G2E3: variants seen among roughly 807,000 people sequenced by gnomAD.
The protein encoded by G2E3 is G2/M phase-specific E3 ubiquitin-protein ligase.
A neutral mutation model predicts 92.8 loss-of-function variants in G2E3; 35 were observed. The observed-to-expected ratio is 0.38, with a 90% CI of 0.29 to 0.50. The LOEUF (loss-of-function observed/expected upper bound fraction) is 0.50, where lower values mean the gene tolerates loss of function less well. Among genes scored for constraint, G2E3 ranks in the 20% least tolerant of loss-of-function variants. G2E3 has a pLI of 0.94. For missense variants in G2E3, 554 were observed against 823.8 expected, an observed-to-expected ratio of 0.67 and a Z score of 4.01; for synonymous variants, 242 against 272.4, an observed-to-expected ratio of 0.89 and a Z score of 1.10.
intron 1 of G2E3, chr14:30,560,016 C>T (rs1265904216): frequency 6.6e-6 from 1 of 152,104 alleles, no homozygotes; most frequent in African/African-American, 2.4e-5. Context: ...TTTCGCCTCC[C>T]TCATTCATTG....
At chr14:30,571,132 T>G (rs1848120949) in intron 1 of G2E3, among the ~76,000 whole-genome samples, 1 of 152,034 alleles carries the variant, frequency 6.6e-6, no homozygotes, top group South Asian at 2.1e-4. Context: ...TTTGAGTTCA[T>G]TTTTTGTGAG....
Position 30,560,668 on chromosome 14 carries a change from A to G in G2E3, c.-5+1396A>G, listed in dbSNP as rs1045221061. 615 of 619,794 alleles carry G rather than the reference A, an allele frequency of 9.9e-4. 4 individuals are homozygous for G. The highest frequency in any genetic ancestry group is 1.5e-3 in the Non-Finnish European group (526 of 349,924). 38.4% of individuals were successfully genotyped at this position (619,794 alleles called of 1,614,324 possible). ...TAATCTCTTTATTTTTTTCTACCTG[A>G]ATTATTTTCATTGGATTTTTGCTCT... On this transcript the variant is annotated intron_variant, in intron 1 of 14. Coordinates refer to ENST00000206595, the MANE Select transcript of G2E3 (RefSeq NM_017769.5).
intron 12 of G2E3, among the ~76,000 whole-genome samples, chr14:30,608,724 CA>C (rs1881947414): frequency 6.6e-6 from 1 of 152,234 alleles, no homozygotes; most frequent in African/African-American, 2.4e-5. Context: ...AAAACTGAGA[CA>C]ATGCAAGCCA....
rs1425393113 is a variant in G2E3 at position 30,618,895 on chromosome 14, T to A, written c.*2361T>A. The A allele has an allele frequency of 6.6e-6, 1 of 152,082 alleles. No individual in the cohort carries two copies. The highest frequency in any genetic ancestry group is 1.5e-5 in the Non-Finnish European group (1 of 67,930). 9.4% of individuals were successfully genotyped at this position (152,082 alleles called of 1,614,324 possible). A position where few individuals can be genotyped will look rare whatever the true frequency, so the allele number is the denominator to read the frequency against. ...TAAAAAAGAATTATGCTATAAATCT[T>A]TATAAATGTGTACATATATTTCTTA... On this transcript the variant is annotated 3_prime_UTR_variant, in exon 15 of 15. Coordinates refer to ENST00000206595, the MANE Select transcript of G2E3 (RefSeq NM_017769.5).
chr14:30,566,145 A>G (rs560101516), intron 1 of G2E3, among the ~76,000 whole-genome samples: 2 of 152,138 alleles, frequency 1.3e-5, no homozygotes, highest in African/African-American at 2.4e-5. Flanking sequence ...CCAGTACCAC[A>G]TTGTCTTGAT....
chr14:30,618,765 G>A lies in G2E3; in HGVS notation c.*2231G>A, dbSNP rs1882432272. The A allele has an allele frequency of 6.6e-6, 1 of 152,070 alleles. No individual in the cohort carries two copies. Among genetic ancestry groups the A allele is most frequent in the African/African-American group, 2.4e-5 (1 of 41,448 alleles). 9.4% of individuals were successfully genotyped at this position (152,070 alleles called of 1,614,324 possible). On this transcript the variant is annotated 3_prime_UTR_variant, in exon 15 of 15. Transcript: ENST00000206595. ...TGGTCAAGGAATATCAGAGAAACCT[G>A]TAGGTTATTTATTTTCTGCAGTGTC...
chr14:30,580,311 A>G (rs567190276), intron 1 of G2E3, among the ~76,000 whole-genome samples: 41 of 152,268 alleles, frequency 2.7e-4, no homozygotes, highest in African/African-American at 7.9e-4. Context: ...AGTTCAAGCA[A>G]TTCTCTTGCC....
chr14:30,604,327 A>G (rs1448533756), intron 10 of G2E3, among the ~76,000 whole-genome samples: 1 of 152,262 alleles, frequency 6.6e-6, no homozygotes, highest in Non-Finnish European at 1.5e-5. Context: ...ACACTAGGGC[A>G]CTGTAACGTC....
At chr14:30,608,278 T>A (rs1157556623) in intron 12 of G2E3, among the ~76,000 whole-genome samples, 1 of 152,224 alleles carries the variant, frequency 6.6e-6, no homozygotes, top group African/African-American at 2.4e-5. Flanking sequence ...CGTTTAATGT[T>A]GGTAAAACCA....
chr14:30,610,063 C>T (rs909649991), intron 12 of G2E3, among the ~76,000 whole-genome samples: 2 of 152,132 alleles, frequency 1.3e-5, no homozygotes, highest in African/African-American at 4.8e-5. Flanking sequence ...GCCTGTTGAA[C>T]GAAGTTGAAG....
Position 30,612,291 on chromosome 14 carries a change from C to T in G2E3, c.1585C>T (p.Leu529Phe), listed in dbSNP as rs1256934454. The T allele has an allele frequency of 6.2e-7, 1 of 1,603,326 alleles. No homozygotes were observed. Among genetic ancestry groups the T allele is most frequent in the African/African-American group, 1.3e-5 (1 of 74,642 alleles). Residue 529 changes from leucine to phenylalanine, a missense_variant, in exon 13 of 15, where the codon CTT becomes TTT. By Grantham distance (22) the Leu-to-Phe change is conservative (BLOSUM62 0). Transcript: ENST00000206595. ...CCTTGAGTTAATTGGATGTCTCAGA[C>T]TTATAACGACATTAAGTGATAAATA... ...NYLELIGCLRLITTLSDKYML... is the reference protein window; with the variant it reads ...NYLELIGCLRFITTLSDKYML...
chr14:30,560,521 A>T (rs753679051), intron 1 of G2E3: 1 of 429,624 alleles, frequency 2.3e-6, no homozygotes, highest in African/African-American at 2.0e-5. Flanking sequence ...TAGTTAAAAT[A>T]TGAGCATTTT....
At chr14:30,608,981 CA>C (rs199858242) in intron 12 of G2E3, among the ~76,000 whole-genome samples, 2 of 150,454 alleles carry the variant, frequency 1.3e-5, no homozygotes, top group Non-Finnish European at 3.0e-5. Flanking sequence ...GACACTGTCT[CA>C]AAAAAAAAGC....
intron 8 of G2E3, among the ~76,000 whole-genome samples, chr14:30,600,382 G>A (rs982820405): frequency 1.3e-5 from 2 of 152,110 alleles, no homozygotes; most frequent in African/African-American, 2.4e-5. Context: ...ATTCTTAGAA[G>A]GCAGAGATCT....
intron 1 of G2E3, among the ~76,000 whole-genome samples, chr14:30,563,319 A>G: frequency 6.6e-6 from 1 of 152,158 alleles, no homozygotes; most frequent in Non-Finnish European, 1.5e-5. Context: ...AACCTGCCCA[A>G]CAATGTAGGG....
At position 30,589,494 on chromosome 14, in the gene G2E3, T is replaced by A; in HGVS notation, c.237+10T>A. On this transcript the variant is annotated intron_variant, in intron 4 of 14. Transcript: ENST00000206595. Reference sequence around the variant, plus strand: ...TAGAGCTTCTAAACTGGTAAGTAAATTATTTTACTATTAAGTAATGTCATA... The same window carrying A: ...TAGAGCTTCTAAACTGGTAAGTAAAATATTTTACTATTAAGTAATGTCATA... 6 of 1,243,850 alleles carry A rather than the reference T, an allele frequency of 4.8e-6. No individual in the cohort carries two copies. Among genetic ancestry groups the A allele is most frequent in the Non-Finnish European group, 7.1e-6 (6 of 849,894 alleles). 77.1% of individuals were successfully genotyped at this position (1,243,850 alleles called of 1,614,324 possible).
intron 1 of G2E3, among the ~76,000 whole-genome samples, chr14:30,575,753 G>C (rs1036049289): frequency 9.2e-5 from 14 of 152,100 alleles, no homozygotes; most frequent in Admixed American, 7.2e-4. Context: ...AATCAGAAAG[G>C]CAATCCCATT....
intron 1 of G2E3, among the ~76,000 whole-genome samples, chr14:30,571,252 A>G (rs903062916): frequency 1.1e-4 from 16 of 142,830 alleles, no homozygotes; most frequent in African/African-American, 3.9e-4. Flanking sequence ...CTTGTTGGCT[A>G]TGTTGTGTTT....
chr14:30,615,214 T>TG (rs1269713925), intron 13 of G2E3, 135 bp from the exon 14 acceptor site: 3 of 541,852 alleles, frequency 5.5e-6, no homozygotes, highest in Non-Finnish European at 9.8e-6. Flanking sequence ...TTGTCTCTTG[T>TG]GGGGGTTTTT....
Sources: gnomAD v4.1 joint callset for allele counts (sites outside exome capture counted in the v4.1 genomes callset) on GRCh38, gnomAD v4.1.1 for gene constraint, MANE v1.5 for transcripts, NCBI Gene and HGNC (gene_info 2026-07-23, HGNC 2026-07-21) for gene names.